The following DOCK10 variants were observed in gnomAD, a reference collection of about 807,000 sequenced individuals.
DOCK10 encodes the protein dedicator of cytokinesis 10.
DOCK10 carries 145 observed loss-of-function variants against 280.1 expected under a neutral mutation model. The ratio of observed to expected loss-of-function variants is 0.52; its 90% CI spans 0.45 to 0.59. The LOEUF (loss-of-function observed/expected upper bound fraction) is 0.59, where lower values mean the gene tolerates loss of function less well. DOCK10 is among the 20% of genes least tolerant of loss of function. The pLI is 0.00. For synonymous variants in DOCK10, 915 were observed against 942.2 expected (o/e 0.97, Z 0.53); for missense variants, 2,368 against 2,651.7 (o/e 0.89, Z 2.35).
rs542962620 is a variant in DOCK10, at chr2:224,988,539, A to G, written c.123+53713T>C. On this transcript the variant is annotated intron_variant, in intron 1 of 55. Transcript: ENST00000258390. The stretch of plus-strand genomic sequence containing the variant: ...TACTGTTGAGGAAACTGAGGCACAG[A>G]GAAATTAAGTGATTCCCTCAGAGAA... Among the ~76,000 whole-genome samples the G allele has an allele frequency of 5.3e-5, 8 of 152,332 alleles. No individual in the cohort carries two copies. In the South Asian group the frequency reaches 1.4e-3, roughly 28 times the overall value.
intron 1 of DOCK10, among the ~76,000 whole-genome samples, chr2:225,026,638 A>G (rs1039703434): frequency 6.6e-6 from 1 of 152,196 alleles, no homozygotes; most frequent in Non-Finnish European, 1.5e-5. Context: ...AGATTTATGA[A>G]GCAAGAAACT....
At chr2:224,804,303 A>G in intron 38 of DOCK10, 90 bp from the exon 39 acceptor site, 1 of 694,870 alleles carries the variant, frequency 1.4e-6, no homozygotes, top group African/African-American at 1.8e-5. Context: ...ATTACTGCAC[A>G]ATGAAATATT....
chr2:224,773,831 C>T (rs1021053132), intron 52 of DOCK10, among the ~76,000 whole-genome samples: 22 of 151,964 alleles, frequency 1.4e-4, no homozygotes, highest in Admixed American at 1.3e-3. Context: ...GGGGTTTCAC[C>T]ATGTTGGCCA....
chr2:224,867,236 A>C (rs964176220), intron 11 of DOCK10, among the ~76,000 whole-genome samples: 1 of 152,238 alleles, frequency 6.6e-6, no homozygotes. Context: ...ATTGGTAAGT[A>C]GGTCCTCCAA....
chr2:224,806,597 A>G (rs1693410464), intron 33 of DOCK10, among the ~76,000 whole-genome samples: 1 of 151,970 alleles, frequency 6.6e-6, no homozygotes, highest in Non-Finnish European at 1.5e-5. Context: ...ATTTTATTTT[A>G]TTTTAATTAT....
chr2:224,885,869 A>T (rs1345109923), intron 6 of DOCK10, 64 bp from the exon 7 acceptor site: 1 of 1,565,556 alleles, frequency 6.4e-7, no homozygotes. Flanking sequence ...CATAGAAATT[A>T]GAATTATTCT....
At chr2:224,884,728 GT>G (rs1418882128) in intron 7 of DOCK10, among the ~76,000 whole-genome samples, 3 of 152,178 alleles carry the variant, frequency 2.0e-5, no homozygotes, top group Non-Finnish European at 4.4e-5. Context: ...TGGAATCCTT[GT>G]CTTTGAAGAC....
chr2:224,822,618 G>A (rs1387479091), intron 28 of DOCK10, among the ~76,000 whole-genome samples: 1 of 152,102 alleles, frequency 6.6e-6, no homozygotes, highest in Non-Finnish European at 1.5e-5. Flanking sequence ...AGGCTGAGGT[G>A]GGAGGATCGC....
intron 18 of DOCK10, among the ~76,000 whole-genome samples, chr2:224,850,153 C>A (rs1364337542): frequency 6.6e-6 from 1 of 152,158 alleles, no homozygotes; most frequent in African/African-American, 2.4e-5. Context: ...TATAAAGAAA[C>A]CCATAAAGGT....
intron 27 of DOCK10, among the ~76,000 whole-genome samples, chr2:224,828,672 G>A (rs949065347): frequency 3.3e-5 from 5 of 152,158 alleles, no homozygotes; most frequent in African/African-American, 9.7e-5. Context: ...GGGGATCAGG[G>A]ATCACCAAAA....
At chr2:224,857,045 G>C (rs1421431216) in intron 14 of DOCK10, 63 bp from the exon 15 acceptor site, 1 of 1,334,600 alleles carries the variant, frequency 7.5e-7, no homozygotes, top group Admixed American at 2.7e-5. Context: ...TGTTTTTAAC[G>C]TGACTATATT....
Position 224,766,649 on chromosome 2 carries a change from T to C in DOCK10, c.6445-812A>G, listed in dbSNP as rs1488921504. 2.0e-5 allele frequency among the ~76,000 whole-genome samples: 3 copies of C among 152,240 alleles called. 1 individual carries two copies. Among genetic ancestry groups the C allele is most frequent in the South Asian group, 4.1e-4 (2 of 4,830 alleles). On this transcript the variant is annotated intron_variant, in intron 55 of 55. Transcript: ENST00000258390. ...ACACCAGATTGGGTCCATTCCTTTC[T>C]CTGCATTTTGTATTGGATACCCATC...
intron 4 of DOCK10, among the ~76,000 whole-genome samples, chr2:224,887,572 T>C (rs1046305037): frequency 6.6e-6 from 1 of 152,164 alleles, no homozygotes; most frequent in East Asian, 1.9e-4. Context: ...CCATCCAAAG[T>C]ATGGGCATTT....
At chr2:224,988,489 G>C (rs1028505654) in intron 1 of DOCK10, among the ~76,000 whole-genome samples, 1 of 152,180 alleles carries the variant, frequency 6.6e-6, no homozygotes, top group East Asian at 1.9e-4. Context: ...CCCTCTATGA[G>C]GCAGTGCTGT....
intron 28 of DOCK10, among the ~76,000 whole-genome samples, chr2:224,821,826 A>G (rs1440315688): frequency 6.6e-6 from 1 of 152,204 alleles, no homozygotes; most frequent in Non-Finnish European, 1.5e-5. Flanking sequence ...AAAATGTGGT[A>G]GAAAACTACA....
intron 25 of DOCK10, among the ~76,000 whole-genome samples, chr2:224,836,098 G>A (rs1359397382): frequency 6.6e-6 from 1 of 152,216 alleles, no homozygotes; most frequent in East Asian, 1.9e-4. Flanking sequence ...CCACTGACAT[G>A]AGGAAAATAA....
At chr2:224,951,784 G>A (rs979108410) in intron 1 of DOCK10, among the ~76,000 whole-genome samples, 5 of 152,144 alleles carry the variant, frequency 3.3e-5, no homozygotes, top group Admixed American at 1.3e-4. Context: ...GGCTCCAGGG[G>A]AGAAGCTGTC....
At chr2:224,893,605 T>C (rs1049519990) in intron 4 of DOCK10, 3 of 431,606 alleles carry the variant, frequency 7.0e-6, no homozygotes, top group Non-Finnish European at 9.3e-6. Flanking sequence ...CATTTTCCAT[T>C]CTAGCCTGAA....
intron 1 of DOCK10, among the ~76,000 whole-genome samples, chr2:225,005,285 T>C (rs1328486048): frequency 6.6e-6 from 1 of 152,180 alleles, no homozygotes; most frequent in African/African-American, 2.4e-5. Context: ...AACTTTCTAT[T>C]CTCCATGGGC....
Sources: gnomAD v4.1 joint callset for allele counts (sites outside exome capture counted in the v4.1 genomes callset) on GRCh38, gnomAD v4.1.1 for gene constraint, MANE v1.5 for transcripts, NCBI Gene and HGNC (gene_info 2026-07-23, HGNC 2026-07-21) for gene names.